The following AFG2A variants were observed in gnomAD, a reference collection of about 807,000 sequenced individuals.
AFG2A encodes the protein AAA ATPase AFG2A.
the AFG2A span, among the ~76,000 whole-genome samples, chr4:123,251,840 G>A: frequency 1.3e-5 from 2 of 151,890 alleles, no homozygotes; most frequent in Admixed American, 6.6e-5. Flanking sequence ...TTTAAGCAAG[G>A]GAAATATATT....
the AFG2A span, chr4:122,934,867 T>G: frequency 8.3e-7 from 1 of 1,198,008 alleles, no homozygotes; most frequent in Non-Finnish European, 1.1e-6. Flanking sequence ...TGGTAGAAGA[T>G]TTCAGTTGCT....
the AFG2A span, among the ~76,000 whole-genome samples, chr4:123,048,271 A>G: frequency 6.6e-6 from 1 of 152,154 alleles, no homozygotes; most frequent in African/African-American, 2.4e-5. Flanking sequence ...GCTTTGTAGT[A>G]TAATTTAAAA....
chr4:123,147,127 A>G, the AFG2A span, among the ~76,000 whole-genome samples: 3,268 of 152,300 alleles, frequency 0.021, 114 homozygotes, highest in African/African-American at 0.074. Context: ...TAAATGCTGT[A>G]TGATCAAAGT....
the AFG2A span, among the ~76,000 whole-genome samples, chr4:123,151,367 G>A: frequency 6.6e-6 from 1 of 152,042 alleles, no homozygotes; most frequent in Admixed American, 6.6e-5. Context: ...TACAGTCTAT[G>A]CATCTTACAA....
chr4:123,123,979 C>A, the AFG2A span, among the ~76,000 whole-genome samples: 125 of 122,742 alleles, frequency 1.0e-3, no homozygotes, highest in Middle Eastern at 4.7e-3. Flanking sequence ...AAAAAAAAGT[C>A]AGGAAACAAC....
chr4:123,155,095 T>G, the AFG2A span, among the ~76,000 whole-genome samples: 1 of 152,104 alleles, frequency 6.6e-6, no homozygotes, highest in African/African-American at 2.4e-5. Flanking sequence ...TTTGTTTGTT[T>G]ATTTATTTAG....
the AFG2A span, among the ~76,000 whole-genome samples, chr4:122,964,288 G>A: frequency 1.3e-5 from 2 of 152,020 alleles, no homozygotes; most frequent in Non-Finnish European, 2.9e-5. Context: ...TGGACCACTT[G>A]AGGTCAGGAG....
chr4:123,216,599 T>C, the AFG2A span, among the ~76,000 whole-genome samples: 3 of 152,208 alleles, frequency 2.0e-5, no homozygotes, highest in South Asian at 6.2e-4. Flanking sequence ...AAACTATGTA[T>C]GTTACAATGG....
At chr4:123,309,490 A>G in the AFG2A span, among the ~76,000 whole-genome samples, 1 of 152,248 alleles carries the variant, frequency 6.6e-6, no homozygotes, top group African/African-American at 2.4e-5. Context: ...TAATACTAGT[A>G]GCATTGGAGA....
the AFG2A span, among the ~76,000 whole-genome samples, chr4:123,247,267 TAAA>T: frequency 6.9e-6 from 1 of 144,654 alleles, no homozygotes; most frequent in Non-Finnish European, 1.5e-5. Flanking sequence ...AATACTAACA[TAAA>T]TATATATATC....
At chr4:122,933,308 A>G in the AFG2A span, 1 of 686,198 alleles carries the variant, frequency 1.5e-6, no homozygotes, top group Non-Finnish European at 2.4e-6. Context: ...TACATTATTT[A>G]TTTTAAGGTT....
chr4:122,929,275 T>C, the AFG2A span: 1 of 1,427,790 alleles, frequency 7.0e-7, no homozygotes, highest in Non-Finnish European at 9.2e-7. Context: ...GTAAACCACA[T>C]ATGTAATTTT....
the AFG2A span, among the ~76,000 whole-genome samples, chr4:122,998,539 C>T: frequency 9.7e-3 from 1,477 of 151,542 alleles, 37 homozygotes; most frequent in African/African-American, 0.033. Context: ...TCAATTCCCA[C>T]CTATGAGTGA....
the AFG2A span, among the ~76,000 whole-genome samples, chr4:123,002,664 C>T: frequency 1.3e-5 from 2 of 152,106 alleles, no homozygotes; most frequent in African/African-American, 4.8e-5. Context: ...GAGTTTCTGC[C>T]GAGAGATCCG....
chr4:123,249,303 A>G, the AFG2A span, among the ~76,000 whole-genome samples: 1 of 152,182 alleles, frequency 6.6e-6, no homozygotes, highest in Non-Finnish European at 1.5e-5. Flanking sequence ...GGTGAGTTTT[A>G]CTAACTGGGT....
At chr4:122,959,988 C>A in the AFG2A span, among the ~76,000 whole-genome samples, 1 of 152,220 alleles carries the variant, frequency 6.6e-6, no homozygotes, top group South Asian at 2.1e-4. Flanking sequence ...GGGTGTGAAG[C>A]TTATTTTCAA....
chr4:123,098,736 C>T, the AFG2A span, among the ~76,000 whole-genome samples: 109 of 152,056 alleles, frequency 7.2e-4, no homozygotes, highest in Middle Eastern at 3.4e-3. Context: ...CTTCTGTATA[C>T]ATACCACATT....
chr4:122,943,000 C>CA, the AFG2A span, among the ~76,000 whole-genome samples: 1 of 151,974 alleles, frequency 6.6e-6, no homozygotes, highest in Admixed American at 6.6e-5. Context: ...GTCTGAGAGA[C>CA]AGTTTGTTAT....
chr4:122,929,775 T>C, the AFG2A span, among the ~76,000 whole-genome samples: 14,040 of 152,218 alleles, frequency 0.092, 839 homozygotes, highest in Middle Eastern at 0.21. Flanking sequence ...ATGTGTATGT[T>C]ACACTTGTAG....
Sources: gnomAD v4.1 joint callset for allele counts (sites outside exome capture counted in the v4.1 genomes callset) on GRCh38, gnomAD v4.1.1 for gene constraint, MANE v1.5 for transcripts, NCBI Gene and HGNC (gene_info 2026-07-23, HGNC 2026-07-21) for gene names.